Variants in DAB1 observed in about 807,000 individuals in gnomAD.
DAB1 encodes disabled homolog 1.
In DAB1, 15 loss-of-function variants were observed where a neutral mutation model predicts 64.6. The ratio of observed to expected loss-of-function variants is 0.23; its 90% confidence interval spans 0.16 to 0.36. DAB1 has a LOEUF of 0.36. DAB1 is among the 10% of genes least tolerant of loss of function. The pLI is 1.00. For synonymous variants in DAB1, 235 were observed against 251.9 expected (o/e 0.93, Z 0.64); for missense variants, 596 against 706.7 (o/e 0.84, Z 1.78).
chr1:57,083,483 A>G (rs578544), intron 4 of DAB1, among the ~76,000 whole-genome samples: 104,436 of 152,108 alleles, frequency 0.69, 36,137 homozygotes, highest in East Asian at 0.85. Flanking sequence ...AGGTAAATGA[A>G]TGCGCTTGAA....
chr1:57,135,790 T>C (rs991208794), intron 4 of DAB1, among the ~76,000 whole-genome samples: 1 of 152,168 alleles, frequency 6.6e-6, no homozygotes, highest in African/African-American at 2.4e-5. Context: ...ATTACCTTTG[T>C]GAAGTACATG....
chr1:57,080,390 CAATT>C (rs1429241027), intron 4 of DAB1, among the ~76,000 whole-genome samples: 1 of 152,234 alleles, frequency 6.6e-6, no homozygotes, highest in Non-Finnish European at 1.5e-5. Flanking sequence ...GTTTCACCAA[CAATT>C]AAAACGAGGA....
At chr1:57,742,491 C>T (rs1229637655) in intron 6 of DAB1, among the ~76,000 whole-genome samples, 3 of 152,086 alleles carry the variant, frequency 2.0e-5, no homozygotes, top group Non-Finnish European at 4.4e-5. Flanking sequence ...CCCCAAACCA[C>T]TCTCTTTATG....
chr1:58,149,893 C>A (rs981197818), intron 5 of DAB1, among the ~76,000 whole-genome samples: 26 of 152,066 alleles, frequency 1.7e-4, no homozygotes, highest in South Asian at 1.5e-3. Flanking sequence ...AAAAAAACTT[C>A]TTTTATAATG....
intron 5 of DAB1, among the ~76,000 whole-genome samples, chr1:57,961,601 C>G (rs1364473153): frequency 6.6e-6 from 1 of 152,144 alleles, no homozygotes; most frequent in African/African-American, 2.4e-5. Context: ...ATCAAAAGTC[C>G]ATAAAGAATT....
At chr1:57,344,065 A>G (rs1182137356) in intron 1 of DAB1, among the ~76,000 whole-genome samples, 1 of 152,248 alleles carries the variant, frequency 6.6e-6, no homozygotes, top group Non-Finnish European at 1.5e-5. Flanking sequence ...CCTTTCAGAC[A>G]TTTGAAAATA....
intron 4 of DAB1, among the ~76,000 whole-genome samples, chr1:58,169,682 C>T (rs1035464600): frequency 6.6e-6 from 1 of 152,198 alleles, no homozygotes; most frequent in Admixed American, 6.5e-5. Context: ...TTACACCCCA[C>T]AGGAGGACCT....
rs893680962 is a variant in DAB1 at position 57,789,137 on chromosome 1, C to A, written n.551+94862G>T. Reference sequence around the variant, plus strand: ...TTTCACCTCCCTGAACCACAACCTGCCCCCAGGGAAAAGGAGAAAAGGTGC... The same window carrying A: ...TTTCACCTCCCTGAACCACAACCTGACCCCAGGGAAAAGGAGAAAAGGTGC... On this transcript the variant is annotated intron_variant and non_coding_transcript_variant, in intron 6 of 20. Transcript: ENST00000485760. Among the ~76,000 whole-genome samples the A allele has an allele frequency of 9.2e-5, 14 of 152,178 alleles. No homozygotes were observed. The East Asian group carries it at 2.5e-3, about 27-fold the overall frequency.
intron 4 of DAB1, among the ~76,000 whole-genome samples, chr1:58,296,254 A>G (rs1380124250): frequency 6.9e-6 from 1 of 144,254 alleles, no homozygotes; most frequent in Non-Finnish European, 1.5e-5. Flanking sequence ...AGAAAGAAAG[A>G]AAGAAAGAAA....
At chr1:57,671,761 C>T (rs1350358114) in intron 6 of DAB1, among the ~76,000 whole-genome samples, 1 of 151,992 alleles carries the variant, frequency 6.6e-6, no homozygotes, top group Admixed American at 6.6e-5. Flanking sequence ...TTTTACCTTC[C>T]CTGTACAGCC....
chr1:57,846,727 C>T (rs1390247154), intron 1 of DAB1, among the ~76,000 whole-genome samples: 1 of 152,140 alleles, frequency 6.6e-6, no homozygotes, highest in Admixed American at 6.5e-5. Flanking sequence ...GAACTCAAAG[C>T]CAGTCAGGTT....
At chr1:58,246,396 T>C (rs1660529995) in intron 4 of DAB1, among the ~76,000 whole-genome samples, 1 of 152,150 alleles carries the variant, frequency 6.6e-6, no homozygotes, top group African/African-American at 2.4e-5. Context: ...AACACGAGCT[T>C]CCTGAGAGAA....
At chr1:58,340,109 A>G (rs1663214884) in intron 4 of DAB1, among the ~76,000 whole-genome samples, 1 of 152,220 alleles carries the variant, frequency 6.6e-6, no homozygotes. Context: ...GGCAAAAGAA[A>G]GACATCTCAA....
intron 7 of DAB1, among the ~76,000 whole-genome samples, chr1:57,601,066 C>T (rs1188565077): frequency 6.6e-6 from 1 of 151,846 alleles, no homozygotes; most frequent in African/African-American, 2.4e-5. Flanking sequence ...CAGAGAGACT[C>T]AATTTTTCAA....
At chr1:58,144,269 T>A (rs979812334) in intron 5 of DAB1, among the ~76,000 whole-genome samples, 1 of 152,218 alleles carries the variant, frequency 6.6e-6, no homozygotes, top group African/African-American at 2.4e-5. Flanking sequence ...ATTAAAAGCA[T>A]GTTATTAAGG....
At chr1:57,547,755 T>C (rs1644871455) in intron 7 of DAB1, among the ~76,000 whole-genome samples, 1 of 152,216 alleles carries the variant, frequency 6.6e-6, no homozygotes, top group Non-Finnish European at 1.5e-5. Flanking sequence ...AAATAACGTC[T>C]ATAGTTTATT....
intron 6 of DAB1, among the ~76,000 whole-genome samples, chr1:57,780,661 A>C (rs1284126644): frequency 6.6e-6 from 1 of 152,020 alleles, no homozygotes; most frequent in Non-Finnish European, 1.5e-5. Context: ...AAAAATTACC[A>C]TATTCCTACT....
Position 57,040,847 on chromosome 1 carries a change from C to T in DAB1, c.724-14804G>A, listed in dbSNP as rs560110379. ...TTGAAAAGGGAGTGAATTAGAATCACAGTAATGTGAAATTGGCTCCCATCA... is the reference window on the plus strand; with the variant it reads ...TTGAAAAGGGAGTGAATTAGAATCATAGTAATGTGAAATTGGCTCCCATCA... On this transcript the variant is annotated intron_variant, in intron 9 of 14. Transcript: ENST00000371236. Among the ~76,000 whole-genome samples the T allele has an allele frequency of 6.6e-5, 10 of 152,312 alleles. No individual in the cohort carries two copies. The South Asian group carries it at 2.1e-3, about 32-fold the overall frequency.
At chr1:57,571,269 CT>C (rs1645191082) in intron 7 of DAB1, among the ~76,000 whole-genome samples, 4 of 152,062 alleles carry the variant, frequency 2.6e-5, no homozygotes, top group Non-Finnish European at 4.4e-5. Flanking sequence ...AGTGGGCATC[CT>C]TGTGCAAGAC....
Sources: allele counts gnomAD v4.1 joint callset (sites outside exome capture counted in the v4.1 genomes callset), GRCh38; gene constraint gnomAD v4.1.1; transcripts MANE v1.5; gene names NCBI Gene and HGNC (gene_info 2026-07-23, HGNC 2026-07-21).